Variants in NAALADL2 observed in about 807,000 individuals in gnomAD.
The protein encoded by NAALADL2 is inactive N-acetylated-alpha-linked acidic dipeptidase-like protein 2.
A neutral mutation model predicts 87.2 loss-of-function variants in NAALADL2; 76 were observed. That is an observed-to-expected ratio of 0.87 (90% confidence interval 0.72 to 1.05). The LOEUF is 1.05. Ranked by LOEUF, NAALADL2 falls within the 50% of genes least tolerant of loss-of-function variation. The probability of loss-of-function intolerance (pLI) is 0.00; values close to 1 mark genes in which losing one functional copy is unlikely to be tolerated. For synonymous variants in NAALADL2, 354 were observed against 331.0 expected (o/e 1.07, Z -0.75); for missense variants, 1,089 against 945.8 (o/e 1.15, Z -1.99).
intron 2 of NAALADL2, among the ~76,000 whole-genome samples, chr3:175,116,940 C>T (rs1444826928): frequency 6.6e-6 from 1 of 151,824 alleles, no homozygotes; most frequent in African/African-American, 2.4e-5. Flanking sequence ...CAGAATAAGG[C>T]CCTTGGAAAT....
At chr3:175,657,603 C>CTTTTT in intron 11 of NAALADL2, among the ~76,000 whole-genome samples, 1 of 147,636 alleles carries the variant, frequency 6.8e-6, no homozygotes. Context: ...TCTTTTGAGA[C>CTTTTT]GGAGTCTTGC....
At chr3:175,055,414 G>A (rs1711925338) in intron 1 of NAALADL2, among the ~76,000 whole-genome samples, 1 of 152,110 alleles carries the variant, frequency 6.6e-6, no homozygotes, top group African/African-American at 2.4e-5. Flanking sequence ...CTCTGGCAAG[G>A]GTCCACAGAC....
At chr3:175,019,325 G>A (rs1342312003) in intron 1 of NAALADL2, among the ~76,000 whole-genome samples, 1 of 151,920 alleles carries the variant, frequency 6.6e-6, no homozygotes, top group African/African-American at 2.4e-5. Flanking sequence ...AATCCGCTAA[G>A]AAATTAATAT....
chr3:174,536,306 C>T (rs576897207), intron 1 of NAALADL2, among the ~76,000 whole-genome samples: 7 of 152,196 alleles, frequency 4.6e-5, no homozygotes, highest in African/African-American at 1.7e-4. Context: ...CTATTCAGGA[C>T]TGGCTAGTTT....
rs138892793 is a variant in NAALADL2 at position 175,628,319 on chromosome 3, T to C, written c.1896+933T>C. Among the ~76,000 whole-genome samples the C allele has an allele frequency of 1.5e-3, 222 of 151,826 alleles. 1 individual carries two copies. The highest frequency in any genetic ancestry group is 4.8e-3 in the African/African-American group (199 of 41,534). On this transcript the variant is annotated intron_variant, in intron 11 of 13. Transcript: ENST00000454872. ...AGATAGGCTGGGCGAAGATAAGATGTTCAGTAGGTTATTTGTATTAAATTC... is the reference window on the plus strand; with the variant it reads ...AGATAGGCTGGGCGAAGATAAGATGCTCAGTAGGTTATTTGTATTAAATTC...
At chr3:175,760,593 A>C (rs962876323) in intron 13 of NAALADL2, among the ~76,000 whole-genome samples, 2 of 152,214 alleles carry the variant, frequency 1.3e-5, no homozygotes, top group Non-Finnish European at 2.9e-5. Flanking sequence ...GCAGTGTGAA[A>C]TTTGACTTGT....
intron 1 of NAALADL2, among the ~76,000 whole-genome samples, chr3:175,042,256 T>C (rs1475314126): frequency 6.6e-6 from 1 of 152,170 alleles, no homozygotes; most frequent in Admixed American, 6.6e-5. Context: ...AATTTCCTTC[T>C]TTGTTGAAGC....
At chr3:174,953,297 T>TCCTCTCCCCCCCCCC (rs1740651836) in intron 1 of NAALADL2, among the ~76,000 whole-genome samples, 13 of 59,316 alleles carry the variant, frequency 2.2e-4, no homozygotes, top group Admixed American at 5.0e-4. Context: ...CTTTCTTGCC[T>TCCTCTCCCCCCCCCC]CCCCTCCCCT....
intron 2 of NAALADL2, among the ~76,000 whole-genome samples, chr3:174,587,708 C>T (rs1401266471): frequency 2.0e-5 from 3 of 152,224 alleles, no homozygotes; most frequent in Non-Finnish European, 4.4e-5. Flanking sequence ...TTGGCCCCCA[C>T]TCTCTTCTGG....
chr3:175,244,935 G>A (rs1747686889), intron 3 of NAALADL2, among the ~76,000 whole-genome samples: 1 of 152,142 alleles, frequency 6.6e-6, no homozygotes, highest in Non-Finnish European at 1.5e-5. Context: ...CTCAGCAGGA[G>A]AAAGTAAGCA....
At chr3:174,764,350 G>C (rs1000164985) in intron 3 of NAALADL2, among the ~76,000 whole-genome samples, 5 of 152,210 alleles carry the variant, frequency 3.3e-5, no homozygotes, top group African/African-American at 9.6e-5. Flanking sequence ...GCCGGGTGCA[G>C]TGGCTTATGC....
chr3:175,355,602 C>T (rs1048451644), intron 5 of NAALADL2, among the ~76,000 whole-genome samples: 7 of 152,124 alleles, frequency 4.6e-5, no homozygotes, highest in Non-Finnish European at 1.0e-4. Context: ...TCTAGTTTTG[C>T]TACTTACTTT....
At chr3:174,983,301 G>A (rs1029116025) in intron 1 of NAALADL2, among the ~76,000 whole-genome samples, 2 of 152,062 alleles carry the variant, frequency 1.3e-5, no homozygotes, top group East Asian at 3.9e-4. Flanking sequence ...TAATTTTGGT[G>A]GGCTCTTGGC....
intron 1 of NAALADL2, among the ~76,000 whole-genome samples, chr3:175,008,963 A>G (rs1003459285): frequency 6.6e-5 from 10 of 152,228 alleles, no homozygotes; most frequent in Non-Finnish European, 5.9e-5. Context: ...TCTTTTGTGA[A>G]AAAAGACAAA....
intron 2 of NAALADL2, among the ~76,000 whole-genome samples, chr3:175,154,990 G>T (rs1006382567): frequency 6.6e-6 from 1 of 152,164 alleles, no homozygotes; most frequent in Non-Finnish European, 1.5e-5. Context: ...AGTTGAAGGT[G>T]TGTGAAAAAG....
chr3:175,320,972 C>G (rs1240646402), intron 4 of NAALADL2, among the ~76,000 whole-genome samples: 1 of 151,160 alleles, frequency 6.6e-6, no homozygotes. Context: ...GGGAATCCTC[C>G]CTAACTCATT....
At chr3:175,385,291 T>C (rs1478837208) in intron 5 of NAALADL2, among the ~76,000 whole-genome samples, 4 of 152,118 alleles carry the variant, frequency 2.6e-5, no homozygotes, top group Non-Finnish European at 5.9e-5. Context: ...GTAAGTTTGA[T>C]TCTTGTCTAA....
chr3:175,721,960 T>A (rs1203722487), intron 11 of NAALADL2, among the ~76,000 whole-genome samples: 2 of 152,078 alleles, frequency 1.3e-5, no homozygotes, highest in Non-Finnish European at 2.9e-5. Flanking sequence ...ATATTTTTTG[T>A]ATATGGTATG....
intron 3 of NAALADL2, among the ~76,000 whole-genome samples, chr3:174,766,520 C>G (rs1330371230): frequency 6.6e-6 from 1 of 152,166 alleles, no homozygotes; most frequent in Non-Finnish European, 1.5e-5. Context: ...TTAATAGTTT[C>G]TTTTTCAGGC....
Sources: allele counts gnomAD v4.1 joint callset (sites outside exome capture counted in the v4.1 genomes callset), GRCh38; gene constraint gnomAD v4.1.1; transcripts MANE v1.5; gene names NCBI Gene and HGNC (gene_info 2026-07-23, HGNC 2026-07-21).